Variants in MICAL2 observed in about 807,000 individuals in gnomAD.
The protein encoded by MICAL2 is [F-actin]-monooxygenase MICAL2.
Under a neutral mutation model 127.3 loss-of-function variants are expected in MICAL2, and 77 were observed. That is an observed-to-expected ratio of 0.60 (90% CI 0.50 to 0.73). The LOEUF is 0.73. MICAL2 is among the 30% of genes least tolerant of loss of function. The pLI is 0.00. For missense variants in MICAL2, 1,351 were observed against 1,434.4 expected (o/e 0.94, Z 0.94); for synonymous variants, 570 against 551.1 (o/e 1.03, Z -0.48).
chr11:12,257,231 A>G (rs565021530), intron 24 of MICAL2: 1 of 404,442 alleles, frequency 2.5e-6, no homozygotes, highest in Admixed American at 4.2e-5. Context: ...CCAGGGCTCT[A>G]TGTACCTCTT....
intron 21 of MICAL2, among the ~76,000 whole-genome samples, chr11:12,246,089 C>G (rs1565241642): frequency 6.6e-6 from 1 of 152,260 alleles, no homozygotes; most frequent in Non-Finnish European, 1.5e-5. Flanking sequence ...GGGGCCAAAA[C>G]TGCTGCAAGA....
chr11:12,334,149 TAC>T (rs1316335904), intron 32 of MICAL2, among the ~76,000 whole-genome samples: 1 of 152,162 alleles, frequency 6.6e-6, no homozygotes. Context: ...TTGGAAAATA[TAC>T]AGTCACACTC....
chr11:12,303,980 C>T (rs1288713634), intron 29 of MICAL2, among the ~76,000 whole-genome samples: 2 of 151,938 alleles, frequency 1.3e-5, no homozygotes, highest in African/African-American at 4.8e-5. Context: ...CAGTGAGCCA[C>T]GATTGCACCA....
chr11:12,310,976 G>T (rs1485648408), intron 29 of MICAL2, among the ~76,000 whole-genome samples: 1 of 151,912 alleles, frequency 6.6e-6, no homozygotes, highest in East Asian at 1.9e-4. Flanking sequence ...TTTCAGAAAA[G>T]AATCTTGATT....
rs1389343463 is a variant in MICAL2, at chr11:12,320,937, C to T, written c.5328+1126C>T. On this transcript the variant is annotated intron_variant, in intron 30 of 34. Coordinates refer to the MICAL2 transcript ENST00000646065. ...TTCAGTATTCAACACAAATGAATTC[C>T]GTGTGTCTTGTGTTGATTTCTGTGG... is the stretch of plus-strand genomic sequence containing the variant. Among the ~76,000 whole-genome samples the T allele has an allele frequency of 3.3e-5, 5 of 152,098 alleles. No homozygotes were observed. In the South Asian group the frequency reaches 8.3e-4, roughly 25 times the overall value.
downstream of MICAL2, among the ~76,000 whole-genome samples, chr11:12,361,839 C>A (rs1939209729): frequency 6.6e-6 from 1 of 152,230 alleles, no homozygotes; most frequent in South Asian, 2.1e-4. Flanking sequence ...CAGAGAACTA[C>A]CTCAGCAGGG....
At chr11:12,155,563 C>T (rs1175841042) in intron 2 of MICAL2, among the ~76,000 whole-genome samples, 6 of 152,172 alleles carry the variant, frequency 3.9e-5, no homozygotes, top group Admixed American at 6.5e-5. Context: ...TACATACACA[C>T]ATGCACACAT....
chr11:12,235,318 G>A (rs1858888321), intron 15 of MICAL2, among the ~76,000 whole-genome samples: 1 of 152,184 alleles, frequency 6.6e-6, no homozygotes, highest in Non-Finnish European at 1.5e-5. Context: ...CTTGCAGGGT[G>A]ATGCAATGGG....
In MICAL2 at chr11:12,242,343, T is replaced by C; in HGVS notation, c.2467T>C (p.Phe823Leu). Residue 823 changes from phenylalanine (F) to leucine (L), a missense_variant, in exon 19 of 28, where the codon TTC becomes CTC. This residue lies in a region of MICAL2 where 752 missense variants were observed against 719.4 expected (regional missense o/e 1.05). Transcript: ENST00000683283. ...SDLQLGGTENFATLPSTRPRA... is the reference protein window; with the variant it reads ...SDLQLGGTENLATLPSTRPRA... ...CCTACAGCTGGGTGGGACAGAAAATTTCGCTACCCTGCCTTCTACCCGCCC... is the reference window on the plus strand; with the variant it reads ...CCTACAGCTGGGTGGGACAGAAAATCTCGCTACCCTGCCTTCTACCCGCCC... The C allele has an allele frequency of 6.2e-7, 1 of 1,614,058 alleles. No homozygotes were observed. The highest frequency in any genetic ancestry group is 8.5e-7 in the Non-Finnish European group (1 of 1,179,966).
intron 1 of MICAL2, among the ~76,000 whole-genome samples, chr11:12,133,352 G>A (rs1478061796): frequency 1.3e-5 from 2 of 152,174 alleles, no homozygotes; most frequent in East Asian, 3.9e-4. Flanking sequence ...AAAGTGCTGG[G>A]ATTACAGGTG....
At chr11:12,243,869 T>G in intron 20 of MICAL2, 118 bp from the exon 21 acceptor site, 1 of 1,238,162 alleles carries the variant, frequency 8.1e-7, no homozygotes, top group East Asian at 2.3e-5. Context: ...TCCTGAGACA[T>G]GGGTCTCCTT....
chr11:12,116,680 C>G (rs1005346941), intron 1 of MICAL2: 1 of 152,218 alleles, frequency 6.6e-6, no homozygotes, highest in Non-Finnish European at 1.5e-5. Context: ...ATAGGTGACT[C>G]TGGCCCTCTG....
intron 34 of MICAL2, among the ~76,000 whole-genome samples, chr11:12,355,682 G>T (rs759087999): frequency 1.3e-5 from 2 of 152,124 alleles, no homozygotes; most frequent in Non-Finnish European, 2.9e-5. Flanking sequence ...GTATTTTCGC[G>T]CCCAATTTAC....
intron 32 of MICAL2, among the ~76,000 whole-genome samples, chr11:12,344,836 C>A (rs1028402499): frequency 6.8e-6 from 1 of 146,194 alleles, no homozygotes; most frequent in African/African-American, 2.5e-5. Flanking sequence ...GGACCAGGTG[C>A]GGTGGCTCAC....
At chr11:12,230,722 C>CA (rs1554991845) in intron 15 of MICAL2, among the ~76,000 whole-genome samples, 4 of 151,508 alleles carry the variant, frequency 2.6e-5, no homozygotes, top group Non-Finnish European at 4.4e-5. Context: ...TTTCCCCCCC[C>CA]ATCTTATTTT....
chr11:12,353,461 GTTTC>G, intron 33 of MICAL2, among the ~76,000 whole-genome samples: 1 of 151,878 alleles, frequency 6.6e-6, no homozygotes, highest in East Asian at 1.9e-4. Flanking sequence ...TCTTCAAACT[GTTTC>G]TTTATCTATA....
intron 1 of MICAL2, among the ~76,000 whole-genome samples, chr11:12,122,101 C>G (rs1043529452): frequency 5.3e-5 from 8 of 152,302 alleles, no homozygotes; most frequent in Non-Finnish European, 1.0e-4. Context: ...ACAGACAGAC[C>G]ATGGGTTTTC....
At chr11:12,273,550 T>G (rs1034418938), upstream of MICAL2, among the ~76,000 whole-genome samples, 6 of 151,976 alleles carry the variant, frequency 3.9e-5, no homozygotes, top group African/African-American at 1.5e-4. Context: ...ACATGTTTTT[T>G]TTTTTTTTTT....
At chr11:12,113,315 G>A (rs1849744977) in intron 1 of MICAL2, among the ~76,000 whole-genome samples, 1 of 152,244 alleles carries the variant, frequency 6.6e-6, no homozygotes, top group Non-Finnish European at 1.5e-5. Context: ...GGAGGCTGAG[G>A]TAGGAGGATC....
Sources: gnomAD v4.1 joint callset for allele counts (sites outside exome capture counted in the v4.1 genomes callset) on GRCh38, gnomAD v4.1.1 for gene constraint, gnomAD v4.1.1 regional missense constraint, MANE v1.5 for transcripts, NCBI Gene and HGNC (gene_info 2026-07-23, HGNC 2026-07-21) for gene names.